The following HDAC3 variants were observed in gnomAD, a reference collection of about 807,000 sequenced individuals.
The protein encoded by HDAC3 is SMAP45.
A neutral mutation model predicts 62.3 loss-of-function variants in HDAC3; 21 were observed. The observed-to-expected ratio is 0.34, with a 90% CI of 0.24 to 0.49. The LOEUF is 0.49. HDAC3 is among the 20% of genes least tolerant of loss of function. The pLI is 0.99. For missense variants in HDAC3, 270 were observed against 556.9 expected (o/e 0.48, Z 5.19); for synonymous variants, 198 against 206.5 (o/e 0.96, Z 0.35).
Position 141,625,959 on chromosome 5 carries a change from G to C in HDAC3, c.979+54C>G, listed in dbSNP as rs111502709. The C allele has an allele frequency of 9.2e-4, 1,380 of 1,501,940 alleles. 15 individuals are homozygous for C. The African/African-American group carries it at 0.016, about 17-fold the overall frequency. The allele number at this position is 1,501,940 out of a possible 1,614,324, so 93.0% of individuals were successfully genotyped here. A position where few individuals can be genotyped will look rare whatever the true frequency, so the allele number is the denominator to read the frequency against. On this transcript the variant is annotated intron_variant, in intron 12 of 14. Transcript: ENST00000305264. The surrounding 1 kb of genome is among the most constrained non-coding windows in gnomAD (Gnocchi z 4.0). ...TGTGCCTTCAAACCAGGTCATTCTGGAATCTGGTGAGAATGGCCTTCCTGT... is the reference window on the plus strand; with the variant it reads ...TGTGCCTTCAAACCAGGTCATTCTGCAATCTGGTGAGAATGGCCTTCCTGT...
chr5:141,633,849 G>C (rs925182687), intron 3 of HDAC3, among the ~76,000 whole-genome samples: 1 of 132,098 alleles, frequency 7.6e-6, no homozygotes, highest in Admixed American at 7.6e-5. Context: ...AAAAAAAAAA[G>C]AGTGGCCATT....
Position 141,629,350 on chromosome 5 carries a change from C to T in HDAC3, c.477-44G>A, listed in dbSNP as rs1411755679. On this transcript the variant is annotated intron_variant, in intron 6 of 14. Transcript: ENST00000305264. The surrounding 1 kb of genome is among the most constrained non-coding windows in gnomAD (Gnocchi z 5.3). Reference sequence around the variant, plus strand: ...CAGGGTCTGAGCTAGAAGTGAACCCCCCAACCCACTCCTCTCAAACACCGG... The same window carrying T: ...CAGGGTCTGAGCTAGAAGTGAACCCTCCAACCCACTCCTCTCAAACACCGG... The T allele has an allele frequency of 6.8e-6, 11 of 1,612,520 alleles. No homozygotes were observed. Among genetic ancestry groups the T allele is most frequent in the Non-Finnish European group, 9.3e-6 (11 of 1,179,276 alleles).
intron 14 of HDAC3, chr5:141,624,903 A>G (rs73282330): frequency 6.2e-4 from 184 of 294,610 alleles, no homozygotes; most frequent in African/African-American, 3.7e-3. Flanking sequence ...ACAGAATAGT[A>G]TATTTGCAAT....
At chr5:141,633,797 G>A (rs542514310) in intron 3 of HDAC3, among the ~76,000 whole-genome samples, 25 of 133,318 alleles carry the variant, frequency 1.9e-4, no homozygotes, top group Middle Eastern at 6.2e-3. Flanking sequence ...CTGCACTCCA[G>A]CCTGGGCTAC....
At chr5:141,633,656 T>C (rs1039395574) in intron 3 of HDAC3, among the ~76,000 whole-genome samples, 1 of 151,652 alleles carries the variant, frequency 6.6e-6, no homozygotes, top group Non-Finnish European at 1.5e-5. Context: ...TGAAACCCCA[T>C]CTCTACTAAA....
In HDAC3 at chr5:141,629,428, C is replaced by T; in HGVS notation, c.477-122G>A. 2.2e-6 allele frequency: 3 copies of T among 1,388,154 alleles called. No individual in the cohort carries two copies. The highest frequency in any genetic ancestry group is 2.3e-5 in the East Asian group (1 of 43,350). 86.0% of individuals were successfully genotyped at this position (1,388,154 alleles called of 1,614,324 possible). On this transcript the variant is annotated intron_variant, in intron 6 of 14. Transcript: ENST00000305264. The surrounding 1 kb of genome is among the most constrained non-coding windows in gnomAD (Gnocchi z 5.3). The stretch of plus-strand genomic sequence containing the variant: ...GCCCTGGTCACCTGAAACTTAATGT[C>T]ACCAGTTCCCTAAAGGCAACTGGGG...
chr5:141,627,691 C>T (rs2099904640), intron 10 of HDAC3, among the ~76,000 whole-genome samples: 1 of 152,144 alleles, frequency 6.6e-6, no homozygotes, highest in Non-Finnish European at 1.5e-5. Flanking sequence ...TGGAACATAA[C>T]AGGTGCTTAA....
At chr5:141,634,749 A>T in intron 3 of HDAC3, 62 bp downstream of exon 3, 1 of 1,549,842 alleles carries the variant, frequency 6.5e-7, no homozygotes, top group Non-Finnish European at 8.8e-7. Context: ...TGCTGCCAAA[A>T]GACCTCACTG....
intron 3 of HDAC3, among the ~76,000 whole-genome samples, chr5:141,631,787 T>C (rs1381783788): frequency 4.6e-5 from 7 of 152,182 alleles, no homozygotes; most frequent in Admixed American, 4.6e-4. Context: ...GAAACAATAA[T>C]AGACCCTGCT....
intron 2 of HDAC3, among the ~76,000 whole-genome samples, chr5:141,635,757 C>T (rs2099905876): frequency 1.3e-5 from 2 of 152,230 alleles, no homozygotes; most frequent in Admixed American, 6.5e-5. Flanking sequence ...GGCACACCCA[C>T]CGCACATGGC....
chr5:141,634,093 G>A (rs1270223212), intron 3 of HDAC3, among the ~76,000 whole-genome samples: 1 of 152,114 alleles, frequency 6.6e-6, no homozygotes, highest in Admixed American at 6.5e-5. Context: ...TTCTATGGAT[G>A]ATACAAGCTC....
Position 141,628,069 on chromosome 5 carries a change from C to A in HDAC3, c.765+45G>T, listed in dbSNP as rs1222068526. ...CCTCCTCTTCCCTTGCTCTCTTTCC[C>A]CAAGCCCAGGCAGAACACTCCTGAG... On this transcript the variant is annotated intron_variant, in intron 9 of 14. Transcript: ENST00000305264. The surrounding 1 kb of genome is among the most constrained non-coding windows in gnomAD (Gnocchi z 4.7). 2 of 1,607,482 alleles carry A rather than the reference C, an allele frequency of 1.2e-6. No individual in the cohort carries two copies. Among genetic ancestry groups the A allele is most frequent in the Non-Finnish European group, 1.7e-6 (2 of 1,174,072 alleles).
chr5:141,634,410 C>T (rs186245540), intron 3 of HDAC3, among the ~76,000 whole-genome samples: 3 of 152,214 alleles, frequency 2.0e-5, no homozygotes, highest in East Asian at 3.9e-4. Flanking sequence ...CTTCTCCCCT[C>T]ACCCTCCAAC....
At chr5:141,624,904 T>C in intron 14 of HDAC3, 1 of 296,516 alleles carries the variant, frequency 3.4e-6, no homozygotes, top group East Asian at 8.4e-5. Context: ...CAGAATAGTA[T>C]ATTTGCAATC....
chr5:141,627,847 A>G (rs1562367604), intron 10 of HDAC3, 46 bp downstream of exon 10: 1 of 1,587,412 alleles, frequency 6.3e-7, no homozygotes, highest in Non-Finnish European at 8.7e-7. Flanking sequence ...ACTGAAGTCC[A>G]AGGCCACTTA....
At chr5:141,623,307 A>G (rs1416008746) in intron 14 of HDAC3, among the ~76,000 whole-genome samples, 1 of 152,046 alleles carries the variant, frequency 6.6e-6, no homozygotes, top group Non-Finnish European at 1.5e-5. Flanking sequence ...AACTCTTCCT[A>G]TTTCTACTCT....
chr5:141,624,942 A>G, intron 14 of HDAC3: 1 of 388,594 alleles, frequency 2.6e-6, no homozygotes, highest in Non-Finnish European at 4.6e-6. Flanking sequence ...CCAAAACAAT[A>G]AAAACTATTA....
Position 141,626,317 on chromosome 5 carries a change from G to A in HDAC3, c.831-34C>T, listed in dbSNP as rs567068285. The A allele has an allele frequency of 3.9e-6, 6 of 1,555,630 alleles. No homozygotes were observed. The African/African-American group carries it at 4.1e-5, about 11-fold the overall frequency. ...AGGAACCAGAGGAAGATGTGGAGGAGGTTATCAAAAGACAAGGTAAATACC... is the reference window on the plus strand; with the variant it reads ...AGGAACCAGAGGAAGATGTGGAGGAAGTTATCAAAAGACAAGGTAAATACC... On this transcript the variant is annotated intron_variant, in intron 10 of 14. Transcript: ENST00000305264. This position sits in a 1 kb window ranked among gnomAD's most constrained non-coding sequence, Gnocchi z 4.6.
chr5:141,635,675 G>T (rs7702834), intron 2 of HDAC3, among the ~76,000 whole-genome samples: 16,501 of 152,286 alleles, frequency 0.11, 1,176 homozygotes, highest in African/African-American at 0.2. Flanking sequence ...GCTGATCATA[G>T]ATCACTGTAA....
Sources: gnomAD v4.1 joint callset for allele counts (sites outside exome capture counted in the v4.1 genomes callset) on GRCh38, gnomAD v4.1.1 for gene constraint, Gnocchi (gnomAD v3.1) non-coding constraint, MANE v1.5 for transcripts, NCBI Gene and HGNC (gene_info 2026-07-23, HGNC 2026-07-21) for gene names.